RTKN2: variants seen among roughly 807,000 people sequenced by gnomAD.
The protein encoded by RTKN2 is rhotekin 2.
In RTKN2, 69 loss-of-function variants were observed where a neutral mutation model predicts 71.5. That is an observed-to-expected ratio of 0.96 (90% CI 0.79 to 1.18). RTKN2 has a LOEUF of 1.18. Ranked by LOEUF, RTKN2 falls within the 50% of genes most tolerant of loss-of-function variation. RTKN2 has a pLI of 0.00. For missense variants in RTKN2, 724 were observed against 719.7 expected (o/e 1.01, Z -0.07); for synonymous variants, 236 against 236.5 (o/e 1.00, Z 0.02).
chr10:62,251,888 A>C (rs1842588187), intron 2 of RTKN2, among the ~76,000 whole-genome samples: 1 of 152,044 alleles, frequency 6.6e-6, no homozygotes, highest in Non-Finnish European at 1.5e-5. Flanking sequence ...AAATATATAG[A>C]AGCAAAAGTA....
At chr10:62,184,375 GATTACT>G in exon 9 of RTKN2, 1 of 1,540,244 alleles carries the variant, frequency 6.5e-7, no homozygotes, top group Non-Finnish European at 8.8e-7. Context: ...TTATGTAGTT[GATTACT>G]ATTATTCTGA....
In RTKN2 at chr10:62,193,612, T is replaced by C. The variant is rs1382434003; in HGVS notation, c.*4296A>G. On this transcript the variant is annotated 3_prime_UTR_variant, in exon 12 of 12. Transcript: ENST00000373789. ...AATCCAACTGAGCCAGGATTGCTCA[T>C]TTCTCTCCCCCACTCTGAGGCGCTC... The C allele has an allele frequency of 1.0e-6, 1 of 985,164 alleles. No individual in the cohort carries two copies. The highest frequency in any genetic ancestry group is 1.2e-6 in the Non-Finnish European group (1 of 829,860). The allele number at this position is 985,164 out of a possible 1,614,324, so 61.0% of individuals were successfully genotyped here.
At chr10:62,212,391 A>AAATG (rs1299402967) in intron 9 of RTKN2, among the ~76,000 whole-genome samples, 1 of 151,536 alleles carries the variant, frequency 6.6e-6, no homozygotes, top group Non-Finnish European at 1.5e-5. Flanking sequence ...ATAAATAAAT[A>AAATG]AATAGGAAAA....
At chr10:62,208,848 C>T (rs1841600283) in intron 9 of RTKN2, among the ~76,000 whole-genome samples, 1 of 152,164 alleles carries the variant, frequency 6.6e-6, no homozygotes, top group South Asian at 2.1e-4. Flanking sequence ...AAACAATGCT[C>T]ATCAGTGGTT....
At chr10:62,266,123 C>T (rs1477737256) in intron 1 of RTKN2, among the ~76,000 whole-genome samples, 1 of 152,130 alleles carries the variant, frequency 6.6e-6, no homozygotes, top group Non-Finnish European at 1.5e-5. Flanking sequence ...GTGTCACTGT[C>T]CTGACGCTAT....
Position 62,194,682 on chromosome 10 carries a change from T to C in RTKN2, c.*3226A>G, listed in dbSNP as rs936975970. On this transcript the variant is annotated 3_prime_UTR_variant, in exon 12 of 12. Coordinates refer to ENST00000373789, the MANE Select transcript of RTKN2 (RefSeq NM_145307.4). ...ACCAAACTGCCCTATAATTTCATTT[T>C]GGACTGAATTAATTAACTTCTCAGT... The C allele has an allele frequency of 1.0e-6, 1 of 985,330 alleles. No homozygotes were observed. Among genetic ancestry groups the C allele is most frequent in the Non-Finnish European group, 1.2e-6 (1 of 829,936 alleles). 61.0% of individuals were successfully genotyped at this position (985,330 alleles called of 1,614,324 possible). A position where few individuals can be genotyped will look rare whatever the true frequency, so the allele number is the denominator to read the frequency against.
chr10:62,257,655 A>G (rs1048905334), intron 2 of RTKN2, among the ~76,000 whole-genome samples: 4 of 152,248 alleles, frequency 2.6e-5, no homozygotes, highest in African/African-American at 9.6e-5. Context: ...GGATCAGACC[A>G]CAAGGATTCT....
In RTKN2 at chr10:62,195,487, A is replaced by G. The variant is rs1841304646; in HGVS notation, c.*2421T>C. ...CTGTAAAGGAAGGGAGGAAGGAGAG[A>G]CAGAAGGAAAGTGGGAAAAGGGGAT... On this transcript the variant is annotated 3_prime_UTR_variant, in exon 12 of 12. Coordinates refer to ENST00000373789, the MANE Select transcript of RTKN2 (RefSeq NM_145307.4). 12 of 933,670 alleles carry G rather than the reference A, an allele frequency of 1.3e-5. No homozygotes were observed. The highest frequency in any genetic ancestry group is 1.8e-5 in the African/African-American group (1 of 56,160). The allele number at this position is 933,670 out of a possible 1,614,324, so 57.8% of individuals were successfully genotyped here. A position where few individuals can be genotyped will look rare whatever the true frequency, so the allele number is the denominator to read the frequency against.
Position 62,262,650 on chromosome 10 carries a change from GTTC to G in RTKN2, c.229_231del (p.Glu77del), listed in dbSNP as rs757071558. 3.9e-5 allele frequency: 63 copies of G among 1,608,216 alleles called. No homozygotes were observed. Among genetic ancestry groups the G allele is most frequent in the East Asian group, 3.8e-4 (17 of 44,776 alleles). ...CATCTTCCAGTCTGATTTGCAATCT[GTTC>G]TTCTAATTTCTGTAGCTCCGATGTA... On this transcript the variant is annotated inframe_deletion, in exon 2 of 12. Coordinates refer to ENST00000373789, the MANE Select transcript of RTKN2 (RefSeq NM_145307.4).
exon 9 of RTKN2, chr10:62,184,100 C>A: frequency 2.2e-6 from 1 of 444,936 alleles, no homozygotes; most frequent in Admixed American, 4.2e-5. Flanking sequence ...ACCTGGTAAA[C>A]ACTGAATGGA....
chr10:62,218,804 G>A (rs1343797174), intron 7 of RTKN2, among the ~76,000 whole-genome samples: 2 of 134,400 alleles, frequency 1.5e-5, no homozygotes, highest in Non-Finnish European at 3.2e-5. Flanking sequence ...TGGCCAATAT[G>A]GTGAAACCCT....
chr10:62,234,113 A>C (rs1842206972), intron 6 of RTKN2, among the ~76,000 whole-genome samples: 1 of 152,226 alleles, frequency 6.6e-6, no homozygotes, highest in African/African-American at 2.4e-5. Context: ...GAAAGCAAAA[A>C]AGCTATCAAA....
chr10:62,193,536 A>G lies in RTKN2; in HGVS notation c.*4372T>C, dbSNP rs888314689. ...CCTCTCTCTGTAAAGTATTTTTTTA[A>G]TTTTAAATATTTCTGATCACACTAC... On this transcript the variant is annotated 3_prime_UTR_variant, in exon 12 of 12. Coordinates refer to ENST00000373789, the MANE Select transcript of RTKN2 (RefSeq NM_145307.4). 1 of 981,724 alleles carries G rather than the reference A, an allele frequency of 1.0e-6. No individual in the cohort carries two copies. Among genetic ancestry groups the G allele is most frequent in the African/African-American group, 1.7e-5 (1 of 57,246 alleles). The allele number at this position is 981,724 out of a possible 1,614,324, so 60.8% of individuals were successfully genotyped here. A position where few individuals can be genotyped will look rare whatever the true frequency, so the allele number is the denominator to read the frequency against.
At chr10:62,235,826 G>A (rs560947769) in intron 6 of RTKN2, among the ~76,000 whole-genome samples, 1 of 152,134 alleles carries the variant, frequency 6.6e-6, no homozygotes, top group Admixed American at 6.5e-5. Flanking sequence ...AAGGCTTTCA[G>A]ATAAGGGATA....
intron 1 of RTKN2, among the ~76,000 whole-genome samples, chr10:62,264,945 T>C (rs1564533920): frequency 6.6e-6 from 1 of 152,002 alleles, no homozygotes; most frequent in South Asian, 2.1e-4. Context: ...TGCAACAACC[T>C]TAAAGAACCA....
In RTKN2 at chr10:62,196,461, C is replaced by T; in HGVS notation, c.*1447G>A. The T allele has an allele frequency of 1.0e-6, 1 of 985,288 alleles. No homozygotes were observed. The highest frequency in any genetic ancestry group is 1.2e-6 in the Non-Finnish European group (1 of 829,872). The allele number at this position is 985,288 out of a possible 1,614,324, so 61.0% of individuals were successfully genotyped here. On this transcript the variant is annotated 3_prime_UTR_variant, in exon 12 of 12. Transcript: ENST00000373789. The stretch of plus-strand genomic sequence containing the variant: ...AGTCCTGGGCAAACACAAAAGTGTC[C>T]TGGCAGTTACATCATTCTCTATAAA...
intron 6 of RTKN2, among the ~76,000 whole-genome samples, chr10:62,231,839 T>C (rs1013424169): frequency 1.3e-5 from 2 of 152,202 alleles, no homozygotes; most frequent in South Asian, 4.1e-4. Context: ...ATTAGAAATC[T>C]TCGCATTGAC....
chr10:62,193,112 G>C lies in RTKN2; in HGVS notation c.*4796C>G, dbSNP rs1841250200. The C allele has an allele frequency of 5.8e-6, 3 of 513,608 alleles. No individual in the cohort carries two copies. Among genetic ancestry groups the C allele is most frequent in the Non-Finnish European group, 7.5e-6 (3 of 398,984 alleles). The allele number at this position is 513,608 out of a possible 1,614,324, so 31.8% of individuals were successfully genotyped here. A position where few individuals can be genotyped will look rare whatever the true frequency, so the allele number is the denominator to read the frequency against. ...TCAGTTAAATGTTTATTAAGATTAA[G>C]TTCTACAAAAATGCATCCATTCATA... On this transcript the variant is annotated 3_prime_UTR_variant, in exon 12 of 12. Coordinates refer to ENST00000373789, the MANE Select transcript of RTKN2 (RefSeq NM_145307.4).
intron 4 of RTKN2, among the ~76,000 whole-genome samples, 196 bp downstream of exon 4, chr10:62,240,946 T>C (rs1842361130): frequency 6.6e-6 from 1 of 152,202 alleles, no homozygotes; most frequent in Admixed American, 6.5e-5. Context: ...AAAAGTACAC[T>C]ACATATGCAC....
Sources: gnomAD v4.1 joint callset for allele counts (sites outside exome capture counted in the v4.1 genomes callset) on GRCh38, gnomAD v4.1.1 for gene constraint, MANE v1.5 for transcripts, NCBI Gene and HGNC (gene_info 2026-07-23, HGNC 2026-07-21) for gene names.